Variants in SND1 observed in about 807,000 individuals in gnomAD.
SND1 encodes the protein staphylococcal nuclease and tudor domain containing 1.
Under a neutral mutation model 121.7 loss-of-function variants are expected in SND1, and 38 were observed. The ratio of observed to expected loss-of-function variants is 0.31; its 90% confidence interval spans 0.24 to 0.41. The LOEUF is 0.41. SND1 is among the 10% of genes least tolerant of loss of function. The pLI, the probability that SND1 is intolerant of heterozygous loss-of-function variation, is 1.00. For missense variants in SND1, 868 were observed against 1,184.6 expected (o/e 0.73, Z 3.92); for synonymous variants, 401 against 447.4 (o/e 0.90, Z 1.31).
chr7:127,708,582 C>T (rs1364174836), intron 9 of SND1, among the ~76,000 whole-genome samples: 1 of 152,064 alleles, frequency 6.6e-6, no homozygotes, highest in East Asian at 1.9e-4. Context: ...TGTTTTGGAG[C>T]TCTTGGTTCC....
At chr7:127,944,311 G>T (rs778513056) in intron 15 of SND1, among the ~76,000 whole-genome samples, 1 of 152,240 alleles carries the variant, frequency 6.6e-6, no homozygotes, top group South Asian at 2.1e-4. Flanking sequence ...AGAGTCACTA[G>T]CAGCTGTTGC....
intron 1 of SND1, among the ~76,000 whole-genome samples, chr7:127,664,028 A>G: frequency 6.6e-6 from 1 of 152,104 alleles, no homozygotes; most frequent in East Asian, 1.9e-4. Flanking sequence ...AACTCTAGTC[A>G]TTTCTTTTTT....
intron 1 of SND1, among the ~76,000 whole-genome samples, chr7:127,655,190 A>T (rs75386966): frequency 2.0e-5 from 3 of 152,210 alleles, no homozygotes; most frequent in African/African-American, 4.8e-5. Context: ...TGCTGTAAAG[A>T]GGAATAGTCC....
chr7:127,869,392 A>C (rs2116697002), intron 12 of SND1, among the ~76,000 whole-genome samples: 1 of 152,280 alleles, frequency 6.6e-6, no homozygotes, highest in East Asian at 1.9e-4. Context: ...AGGAGCCACT[A>C]CAGAGTTTGG....
intron 11 of SND1, among the ~76,000 whole-genome samples, chr7:127,833,501 A>G (rs755162779): frequency 1.1e-4 from 16 of 151,862 alleles, no homozygotes; most frequent in Non-Finnish European, 1.8e-4. Context: ...TTGACCTCAA[A>G]TGATCCACCC....
intron 16 of SND1, among the ~76,000 whole-genome samples, chr7:128,073,301 C>T (rs556534678): frequency 6.6e-6 from 1 of 152,338 alleles, no homozygotes; most frequent in Admixed American, 6.5e-5. Flanking sequence ...ATAGACTCCA[C>T]ATATCCCCTT....
chr7:127,769,319 G>A (rs1227937586), intron 10 of SND1, among the ~76,000 whole-genome samples: 1 of 152,146 alleles, frequency 6.6e-6, no homozygotes, highest in South Asian at 2.1e-4. Context: ...AGCCTGGGCT[G>A]TCTGTCCACA....
chr7:127,779,231 G>A (rs756012452), intron 10 of SND1, among the ~76,000 whole-genome samples: 1 of 152,164 alleles, frequency 6.6e-6, no homozygotes, highest in Non-Finnish European at 1.5e-5. Flanking sequence ...CTAGGGATAC[G>A]TGGTTGTTGG....
chr7:127,943,012 G>C (rs1460619478), intron 15 of SND1, among the ~76,000 whole-genome samples: 1 of 152,152 alleles, frequency 6.6e-6, no homozygotes, highest in Non-Finnish European at 1.5e-5. Context: ...TGGCCTCACA[G>C]TGAACATTGC....
chr7:127,652,471 A>G lies in SND1; in HGVS notation c.78+20A>G, dbSNP rs1443251206. The G allele has an allele frequency of 2.6e-6, 4 of 1,551,488 alleles. No individual in the cohort carries two copies. Among genetic ancestry groups the G allele is most frequent in the Non-Finnish European group, 3.5e-6 (4 of 1,145,768 alleles). ...AAGATGGTGAGAACGGGCCCCGGACACCGACCCCTCTGCCTGCCTTCGGGC... is the reference window on the plus strand; with the variant it reads ...AAGATGGTGAGAACGGGCCCCGGACGCCGACCCCTCTGCCTGCCTTCGGGC... On this transcript the variant is annotated intron_variant, in intron 1 of 23. Transcript: ENST00000354725.
intron 11 of SND1, among the ~76,000 whole-genome samples, chr7:127,810,387 A>G (rs1246254870): frequency 1.3e-5 from 2 of 152,176 alleles, no homozygotes; most frequent in South Asian, 2.1e-4. Flanking sequence ...AACTCCCTCA[A>G]TTGCCATACT....
rs1231991536 is a variant in SND1, at chr7:127,810,702, AT to A, written c.1242+3133del. 3.9e-5 allele frequency among the ~76,000 whole-genome samples: 6 copies of A among 152,250 alleles called. No individual in the cohort carries two copies. In the East Asian group the frequency reaches 1.2e-3, roughly 29 times the overall value. ...GAGATCAGTTTGCATTGCCCTAGTC[AT>A]TTTGCTTTCAGGAGAATAAGGTAGT... is the stretch of plus-strand genomic sequence containing the variant. On this transcript the variant is annotated intron_variant, in intron 11 of 23. Coordinates refer to ENST00000354725, the MANE Select transcript of SND1 (RefSeq NM_014390.4).
intron 14 of SND1, among the ~76,000 whole-genome samples, chr7:127,908,109 A>G (rs1327524200): frequency 6.6e-6 from 1 of 152,128 alleles, no homozygotes; most frequent in East Asian, 1.9e-4. Flanking sequence ...ACATCTGCAT[A>G]TAACACCAAC....
intron 11 of SND1, among the ~76,000 whole-genome samples, chr7:127,820,195 T>A (rs1798521005): frequency 6.6e-6 from 1 of 152,356 alleles, no homozygotes; most frequent in African/African-American, 2.4e-5. Context: ...TTTTCTAAGA[T>A]GTGTGGTTCC....
intron 14 of SND1, among the ~76,000 whole-genome samples, chr7:127,916,585 T>G (rs1312512301): frequency 4.6e-5 from 7 of 152,178 alleles, no homozygotes; most frequent in Admixed American, 4.6e-4. Context: ...TATTTCAAGA[T>G]TACGTATGGA....
chr7:127,788,938 G>T (rs1376125343), intron 10 of SND1, among the ~76,000 whole-genome samples: 1 of 152,078 alleles, frequency 6.6e-6, no homozygotes, highest in Non-Finnish European at 1.5e-5. Flanking sequence ...CCTTCCCTCT[G>T]TTCTTATAGT....
At chr7:128,005,670 A>C (rs2116939708) in intron 16 of SND1, among the ~76,000 whole-genome samples, 1 of 152,266 alleles carries the variant, frequency 6.6e-6, no homozygotes, top group African/African-American at 2.4e-5. Flanking sequence ...ACCTGCTTTG[A>C]TAGGAATGAG....
intron 15 of SND1, among the ~76,000 whole-genome samples, chr7:127,929,542 G>A (rs1022763590): frequency 1.3e-5 from 2 of 152,124 alleles, no homozygotes; most frequent in South Asian, 2.1e-4. Flanking sequence ...TTTCTACCAA[G>A]CACAGGATGT....
intron 10 of SND1, among the ~76,000 whole-genome samples, chr7:127,768,272 C>G (rs1241205456): frequency 1.3e-5 from 2 of 152,168 alleles, no homozygotes; most frequent in East Asian, 3.9e-4. Flanking sequence ...TGTTCATTCT[C>G]AAAGGTCCTT....
Sources: allele counts gnomAD v4.1 joint callset (sites outside exome capture counted in the v4.1 genomes callset), GRCh38; gene constraint gnomAD v4.1.1; transcripts MANE v1.5; gene names NCBI Gene and HGNC (gene_info 2026-07-23, HGNC 2026-07-21).